The following STPG2 variants were observed in gnomAD, a reference collection of about 807,000 sequenced individuals.
STPG2 encodes the protein sperm tail PG-rich repeat containing 2.
A neutral mutation model predicts 54.2 loss-of-function variants in STPG2; 56 were observed. The observed-to-expected ratio is 1.03, with a 90% CI of 0.83 to 1.29. STPG2 has a LOEUF of 1.29. STPG2 is among the 50% of genes most tolerant of loss of function. STPG2 has a pLI of 0.00. For missense variants in STPG2, 596 were observed against 544.9 expected (o/e 1.09, Z -0.93); for synonymous variants, 200 against 181.8 (o/e 1.10, Z -0.81).
At chr4:98,074,837 C>A (rs1738110873) in intron 5 of STPG2, among the ~76,000 whole-genome samples, 1 of 152,152 alleles carries the variant, frequency 6.6e-6, no homozygotes, top group African/African-American at 2.4e-5. Flanking sequence ...AATTCTTCAG[C>A]AGCTTAATCA....
At chr4:98,040,016 C>G (rs923053987) in intron 5 of STPG2, among the ~76,000 whole-genome samples, 5 of 151,876 alleles carry the variant, frequency 3.3e-5, no homozygotes, top group African/African-American at 9.7e-5. Context: ...AATAGCCATT[C>G]TGACTGGTGT....
intron 9 of STPG2, among the ~76,000 whole-genome samples, chr4:97,783,733 C>T (rs1403403330): frequency 2.0e-5 from 3 of 152,268 alleles, no homozygotes; most frequent in South Asian, 4.1e-4. Flanking sequence ...CCATGGAATA[C>T]TATGCAGCTA....
rs1578628919 is a variant in STPG2, at chr4:97,858,884, A to G, written c.1045-17952T>C. Among the ~76,000 whole-genome samples the G allele has an allele frequency of 2.0e-5, 3 of 152,252 alleles. No individual in the cohort carries two copies. In the East Asian group the frequency reaches 5.8e-4, roughly 29 times the overall value. ...GTGTGTGCAAATGTCTTTTTCACAT[A>G]ACAACTTATTTCCTCTGGGTAGATA... On this transcript the variant is annotated intron_variant, in intron 8 of 10. Transcript: ENST00000295268.
At chr4:97,916,916 G>A (rs756872616) in intron 8 of STPG2, 4 of 152,788 alleles carry the variant, frequency 2.6e-5, no homozygotes, top group South Asian at 2.1e-4. Flanking sequence ...ATTTCTCCAG[G>A]TTGGGTATGG....
chr4:97,940,840 T>C (rs2149228903), intron 8 of STPG2, among the ~76,000 whole-genome samples: 1 of 151,922 alleles, frequency 6.6e-6, no homozygotes, highest in Non-Finnish European at 1.5e-5. Context: ...TTGAAGAATA[T>C]GTCATACATG....
intron 8 of STPG2, among the ~76,000 whole-genome samples, chr4:97,932,846 T>C (rs1413566603): frequency 6.6e-6 from 1 of 152,242 alleles, no homozygotes; most frequent in Non-Finnish European, 1.5e-5. Context: ...TGTATCTTTA[T>C]AATAGAATTA....
chr4:97,752,778 A>G (rs1022063025), intron 9 of STPG2, among the ~76,000 whole-genome samples: 15 of 151,748 alleles, frequency 9.9e-5, no homozygotes, highest in Non-Finnish European at 1.5e-5. Flanking sequence ...CTCTTCTTTC[A>G]TATGCCCAAA....
At chr4:97,479,139 T>TACAC (rs144654407) in intron 4 of STPG2, among the ~76,000 whole-genome samples, 3 of 150,106 alleles carry the variant, frequency 2.0e-5, no homozygotes, top group South Asian at 2.1e-4. Context: ...TGCATGTGTA[T>TACAC]ACACACACAC....
rs115085149 is a variant in STPG2 at position 97,617,441 on chromosome 4, G to A, written c.1321-58324C>T. Reference sequence around the variant, plus strand: ...AATTACATTTCCCTAATATTTAAAAGGAACTATATTTGCCGGGAAGTACAC... The same window carrying A: ...AATTACATTTCCCTAATATTTAAAAAGAACTATATTTGCCGGGAAGTACAC... On this transcript the variant is annotated intron_variant, in intron 10 of 10. Coordinates refer to ENST00000295268, the MANE Select transcript of STPG2 (RefSeq NM_174952.3). Among the ~76,000 whole-genome samples the A allele has an allele frequency of 3.3e-3, 500 of 152,228 alleles. 3 individuals are homozygous for A. Among genetic ancestry groups the A allele is most frequent in the African/African-American group, 0.011 (472 of 41,548 alleles).
intron 8 of STPG2, among the ~76,000 whole-genome samples, chr4:97,881,863 T>C (rs1485363387): frequency 2.6e-5 from 4 of 152,186 alleles, no homozygotes; most frequent in South Asian, 2.1e-4. Flanking sequence ...TTAATGTTTT[T>C]AATTTCAAAA....
intron 9 of STPG2, among the ~76,000 whole-genome samples, chr4:97,816,046 A>G (rs892018844): frequency 2.0e-5 from 3 of 151,866 alleles, no homozygotes; most frequent in African/African-American, 7.3e-5. Flanking sequence ...CCATCCCCCA[A>G]CAGGCCTCAG....
At chr4:97,536,111 G>T (rs556026315) in intron 4 of STPG2, among the ~76,000 whole-genome samples, 1 of 152,296 alleles carries the variant, frequency 6.6e-6, no homozygotes, top group South Asian at 2.1e-4. Context: ...CAGCAACTGA[G>T]ATTATAGGTG....
At chr4:97,866,431 T>C (rs1405668745) in intron 8 of STPG2, among the ~76,000 whole-genome samples, 3 of 152,022 alleles carry the variant, frequency 2.0e-5, no homozygotes, top group Non-Finnish European at 4.4e-5. Flanking sequence ...CATTTATCCT[T>C]ACATATTTCT....
At chr4:97,915,645 G>A (rs912754021) in intron 8 of STPG2, among the ~76,000 whole-genome samples, 1 of 151,950 alleles carries the variant, frequency 6.6e-6, no homozygotes, top group Non-Finnish European at 1.5e-5. Flanking sequence ...CAGAGATAGA[G>A]GGTGGAAAAA....
At chr4:98,022,605 C>G (rs535346658) in intron 5 of STPG2, among the ~76,000 whole-genome samples, 1 of 152,068 alleles carries the variant, frequency 6.6e-6, no homozygotes, top group East Asian at 1.9e-4. Context: ...TAATATCCTG[C>G]AGAGTGTTTT....
chr4:97,616,077 T>C lies in STPG2; in HGVS notation c.1321-56960A>G, dbSNP rs867270740. The stretch of plus-strand genomic sequence containing the variant: ...ATATAAATATATATATATATATATA[T>C]ATATATATATATATATATGTATGTA... On this transcript the variant is annotated intron_variant, in intron 10 of 10. Coordinates refer to ENST00000295268, the MANE Select transcript of STPG2 (RefSeq NM_174952.3). 9.5e-3 allele frequency among the ~76,000 whole-genome samples: 771 copies of C among 81,104 alleles called. 40 individuals carry two copies. Among genetic ancestry groups the C allele is most frequent in the African/African-American group, 0.026 (720 of 27,712 alleles). 53.2% of individuals were successfully genotyped at this position (81,104 alleles called of 152,430 possible). A position where few individuals can be genotyped will look rare whatever the true frequency, so the allele number is the denominator to read the frequency against.
chr4:97,826,840 T>C (rs356552), intron 9 of STPG2, among the ~76,000 whole-genome samples: 1 of 152,272 alleles, frequency 6.6e-6, no homozygotes, highest in South Asian at 2.1e-4. Flanking sequence ...TTGTAATTGT[T>C]ACATAAAATC....
chr4:97,530,962 G>T (rs1162682635), intron 4 of STPG2, among the ~76,000 whole-genome samples: 2 of 152,134 alleles, frequency 1.3e-5, no homozygotes, highest in African/African-American at 4.8e-5. Context: ...CCATTCCATT[G>T]ACTGGATTAA....
chr4:97,653,927 A>G (rs1578456382), intron 10 of STPG2, among the ~76,000 whole-genome samples: 1 of 152,152 alleles, frequency 6.6e-6, no homozygotes, highest in Non-Finnish European at 1.5e-5. Context: ...TCCCACAGGG[A>G]AACTTGGGGA....
Sources: gnomAD v4.1 joint callset for allele counts (sites outside exome capture counted in the v4.1 genomes callset) on GRCh38, gnomAD v4.1.1 for gene constraint, MANE v1.5 for transcripts, NCBI Gene and HGNC (gene_info 2026-07-23, HGNC 2026-07-21) for gene names.